Variants in MCM4 observed in about 807,000 individuals in gnomAD.
MCM4 encodes the protein minichromosome maintenance complex component 4, also known as DNA replication licensing factor MCM4.
In MCM4, 60 loss-of-function variants were observed where a neutral mutation model predicts 88.7. The observed-to-expected ratio is 0.68, with a 90% CI of 0.55 to 0.84. The LOEUF is 0.84. Among genes scored for constraint, MCM4 ranks in the 40% least tolerant of loss-of-function variants. MCM4 has a pLI of 0.00. For missense variants in MCM4, 1,149 were observed against 1,105.5 expected (o/e 1.04, Z -0.56); for synonymous variants, 465 against 410.5 (o/e 1.13, Z -1.61).
chr8:47,968,051 G>C (rs1261869133), intron 10 of MCM4, among the ~76,000 whole-genome samples: 1 of 152,206 alleles, frequency 6.6e-6, no homozygotes, highest in Non-Finnish European at 1.5e-5. Context: ...CCAGGACCCA[G>C]GTCTCCTTCT....
At position 47,972,932 on chromosome 8, in the gene MCM4, A is replaced by G. The variant is rs1004485410; in HGVS notation, c.2004A>G (p.Ala668=). Residue 668 remains alanine (A), a synonymous_variant, in exon 14 of 17, where the codon GCA becomes GCG. Coordinates refer to ENST00000649973, the MANE Select transcript of MCM4 (RefSeq NM_182746.3). ...YDRRLAHHLV[A]LYYQSEEQAE... Reference sequence around the variant, plus strand: ...GGCGTCTGGCTCACCACCTGGTCGCACTGTACTACCAGAGCGAGGAGCAGG... The same window carrying G: ...GGCGTCTGGCTCACCACCTGGTCGCGCTGTACTACCAGAGCGAGGAGCAGG... 3.0e-5 allele frequency: 48 copies of G among 1,614,088 alleles called. No homozygotes were observed. In the Admixed American group the frequency reaches 8.0e-4, roughly 27 times the overall value.
Position 47,961,004 on chromosome 8 carries a change from G to T in MCM4, c.-25G>T. On this transcript the variant is annotated 5_prime_UTR_variant, in exon 1 of 17. Transcript: ENST00000649973. ...CCGCGAGCGTCGTCGGCAAGCGGCC[G>T]CCTTTCCACGGTAACCGCGCGCCGG... 3 of 884,996 alleles carry T rather than the reference G, an allele frequency of 3.4e-6. No homozygotes were observed. The highest frequency in any genetic ancestry group is 4.8e-6 in the Non-Finnish European group (3 of 628,828). 54.8% of individuals were successfully genotyped at this position (884,996 alleles called of 1,614,324 possible).
Position 47,976,030 on chromosome 8 carries a change from C to G in MCM4, c.2499+182C>G, listed in dbSNP as rs988325558. Reference sequence around the variant, plus strand: ...TAAAATTTTTGGCTGGGTGCAGTAGCTCACGCCTGTAATCTCATTTGGGAC... The same window carrying G: ...TAAAATTTTTGGCTGGGTGCAGTAGGTCACGCCTGTAATCTCATTTGGGAC... On this transcript the variant is annotated intron_variant, in intron 16 of 16. Transcript: ENST00000649973. Among the ~76,000 whole-genome samples, 4 of 152,182 alleles carry G rather than the reference C, an allele frequency of 2.6e-5. No individual in the cohort carries two copies. The South Asian group carries it at 8.3e-4, about 32-fold the overall frequency.
chr8:47,963,710 C>A (rs1371081080), intron 7 of MCM4, among the ~76,000 whole-genome samples: 1 of 152,152 alleles, frequency 6.6e-6, no homozygotes, highest in East Asian at 1.9e-4. Flanking sequence ...GTACTGTAGA[C>A]TTTTACTTCT....
At position 47,974,860 on chromosome 8, in the gene MCM4, G is replaced by C. The variant is rs542867168; in HGVS notation, c.2263G>C (p.Ala755Pro). 1 of 1,614,242 alleles carries C rather than the reference G, an allele frequency of 6.2e-7. No homozygotes were observed. Among genetic ancestry groups the C allele is most frequent in the South Asian group, 1.1e-5 (1 of 91,076 alleles). Residue 755 changes from alanine (A) to proline (P), a missense_variant, in exon 15 of 17, where the codon GCC becomes CCC. Around this residue, in one of 3 missense-constraint regions of MCM4, gnomAD observed 238 missense variants for 241.6 expected, o/e 0.99. Coordinates refer to ENST00000649973, the MANE Select transcript of MCM4 (RefSeq NM_182746.3). ...AGTAAGATTGTCTAACAAAGTTGAA[G>C]CCATTGATGTGGAAGAGGCCAAACG... ...AKVRLSNKVE[A>P]IDVEEAKRLH...
intron 9 of MCM4, among the ~76,000 whole-genome samples, chr8:47,966,670 A>G (rs1283524871): frequency 3.3e-5 from 5 of 152,208 alleles, no homozygotes; most frequent in African/African-American, 9.6e-5. Context: ...AAATGCTTCA[A>G]ACGTTTGAGA....
In MCM4 at chr8:47,976,861, A is replaced by G; in HGVS notation, c.*83A>G. ...GTGGTCTGCATCTCAGTTGGCCGCCATCAGTGTAAATAGAGCTTAAAGTCA... is the reference window on the plus strand; with the variant it reads ...GTGGTCTGCATCTCAGTTGGCCGCCGTCAGTGTAAATAGAGCTTAAAGTCA... On this transcript the variant is annotated 3_prime_UTR_variant, in exon 17 of 17. Coordinates refer to ENST00000649973, the MANE Select transcript of MCM4 (RefSeq NM_182746.3). 1 of 866,822 alleles carries G rather than the reference A, an allele frequency of 1.2e-6. No individual in the cohort carries two copies. Among genetic ancestry groups the G allele is most frequent in the East Asian group, 2.4e-5 (1 of 40,932 alleles). The allele number at this position is 866,822 out of a possible 1,614,324, so 53.7% of individuals were successfully genotyped here.
chr8:47,975,636 T>G, intron 15 of MCM4, 79 bp from the exon 16 acceptor site: 2 of 1,127,218 alleles, frequency 1.8e-6, no homozygotes, highest in East Asian at 2.7e-5. Flanking sequence ...GTGATACTAC[T>G]AAAGGAATAT....
chr8:47,962,835 T>A lies in MCM4; in HGVS notation c.573T>A (p.Pro191=). 6.2e-7 allele frequency: 1 copy of A among 1,608,086 alleles called. No individual in the cohort carries two copies. Among genetic ancestry groups the A allele is most frequent in the South Asian group, 1.1e-5 (1 of 89,066 alleles). The part of the protein sequence containing the change: ...EENVGIDITE[P]LYMQRLGEIN... ...ATGTTGGCATAGATATTACTGAACCTCTATACATGCAACGACTTGGGGAGG... is the reference window on the plus strand; with the variant it reads ...ATGTTGGCATAGATATTACTGAACCACTATACATGCAACGACTTGGGGAGG... Residue 191 remains proline (P), a synonymous_variant, in exon 6 of 17, where the codon CCT becomes CCA. Transcript: ENST00000649973.
chr8:47,965,172 G>A (rs946518040), intron 8 of MCM4, among the ~76,000 whole-genome samples: 5 of 151,352 alleles, frequency 3.3e-5, no homozygotes, highest in Non-Finnish European at 7.4e-5. Context: ...CAGAGGCTGT[G>A]CCATTGCACT....
chr8:47,972,235 C>CAAAAAAAA (rs779237498), intron 13 of MCM4, among the ~76,000 whole-genome samples: 1 of 62,034 alleles, frequency 1.6e-5, no homozygotes. Context: ...GACTCTGTCT[C>CAAAAAAAA]AAAAAAAAAA....
In MCM4 at chr8:47,976,910, C is replaced by G; in HGVS notation, c.*132C>G. ...CATGGTTTGGCTGCATAAAAATTTT[C>G]TAACTTGGGTTCAATATTTGTAGTG... On this transcript the variant is annotated 3_prime_UTR_variant, in exon 17 of 17. Transcript: ENST00000649973. The G allele has an allele frequency of 1.7e-6, 1 of 586,654 alleles. No homozygotes were observed. Among genetic ancestry groups the G allele is most frequent in the East Asian group, 2.8e-5 (1 of 35,474 alleles). The allele number at this position is 586,654 out of a possible 1,614,324, so 36.3% of individuals were successfully genotyped here. A position where few individuals can be genotyped will look rare whatever the true frequency, so the allele number is the denominator to read the frequency against.
At position 47,961,027 on chromosome 8, in the gene MCM4, C is replaced by T; in HGVS notation, c.-15+13C>T. 3 of 1,129,432 alleles carry T rather than the reference C, an allele frequency of 2.7e-6. No individual in the cohort carries two copies. The highest frequency in any genetic ancestry group is 3.5e-6 in the Non-Finnish European group (3 of 845,300). The allele number at this position is 1,129,432 out of a possible 1,614,324, so 70.0% of individuals were successfully genotyped here. ...CCGCCTTTCCACGGTAACCGCGCGC[C>T]GGCGGGGAGGGCGTGGCGCGGAGCC... is the stretch of plus-strand genomic sequence containing the variant. On this transcript the variant is annotated intron_variant, in intron 1 of 16. Coordinates refer to ENST00000649973, the MANE Select transcript of MCM4 (RefSeq NM_182746.3).
At position 47,962,658 on chromosome 8, in the gene MCM4, T is replaced by C. The variant is rs1177837022; in HGVS notation, c.502-106T>C. Reference sequence around the variant, plus strand: ...AAAAGAAAAAGGAAGAAAAATATTATTTATTTCTGTCTCCTGATAGTGACA... The same window carrying C: ...AAAAGAAAAAGGAAGAAAAATATTACTTATTTCTGTCTCCTGATAGTGACA... On this transcript the variant is annotated intron_variant, in intron 5 of 16. Transcript: ENST00000649973. 16 of 753,754 alleles carry C rather than the reference T, an allele frequency of 2.1e-5. No homozygotes were observed. The Admixed American group carries it at 3.1e-4, about 15-fold the overall frequency. The allele number at this position is 753,754 out of a possible 1,614,324, so 46.7% of individuals were successfully genotyped here.
At chr8:47,962,004 A>C (rs1239907830) in intron 3 of MCM4, 49 bp from the exon 4 acceptor site, 3 of 1,547,902 alleles carry the variant, frequency 1.9e-6, no homozygotes, top group Non-Finnish European at 8.9e-7. Flanking sequence ...AACATGCTGT[A>C]ATTTCAGGTT....
At position 47,962,827 on chromosome 8, in the gene MCM4, A is replaced by G. The variant is rs145417336; in HGVS notation, c.565A>G (p.Thr189Ala). Residue 189 changes from threonine to alanine, a missense_variant, in exon 6 of 17, where the codon ACT becomes GCT. Transcript: ENST00000649973. ...KEEENVGIDI[T>A]EPLYMQRLGE... is the part of the protein sequence containing the mutation. ...AGAAGAAAATGTTGGCATAGATATTACTGAACCTCTATACATGCAACGACT... is the reference window on the plus strand; with the variant it reads ...AGAAGAAAATGTTGGCATAGATATTGCTGAACCTCTATACATGCAACGACT... The G allele has an allele frequency of 1.2e-6, 2 of 1,609,148 alleles. No homozygotes were observed. Among genetic ancestry groups the G allele is most frequent in the Admixed American group, 1.7e-5 (1 of 58,890 alleles).
intron 13 of MCM4, 91 bp from the exon 14 acceptor site, chr8:47,972,766 A>C: frequency 1.1e-6 from 1 of 938,182 alleles, no homozygotes; most frequent in South Asian, 1.5e-5. Context: ...CGTGTTGGCC[A>C]GGCTGGTCTC....
Position 47,964,666 on chromosome 8 carries a change from A to C in MCM4, c.786A>C (p.Pro262=). Reference sequence around the variant, plus strand: ...TAGAACATCAGATTCAAGTAAGACCATTCAACGCATTGAAGACTAAGAATA... The same window carrying C: ...TAGAACATCAGATTCAAGTAAGACCCTTCAACGCATTGAAGACTAAGAATA... ...SILEHQIQVR[P]FNALKTKNMR... is the part of the protein sequence containing the mutation. Residue 262 remains proline, a synonymous_variant, in exon 8 of 17, where the codon CCA becomes CCC. Transcript: ENST00000649973. 2 of 1,603,054 alleles carry C rather than the reference A, an allele frequency of 1.2e-6. No homozygotes were observed. The highest frequency in any genetic ancestry group is 1.7e-6 in the Non-Finnish European group (2 of 1,176,600).
chr8:47,969,042 C>G (rs902537788), intron 10 of MCM4: 1 of 152,176 alleles, frequency 6.6e-6, no homozygotes, highest in Non-Finnish European at 1.5e-5. Flanking sequence ...AAAAATACTG[C>G]TTATTAAAAA....
Sources: allele counts gnomAD v4.1 joint callset (sites outside exome capture counted in the v4.1 genomes callset), GRCh38; gene constraint gnomAD v4.1.1; regional missense constraint gnomAD v4.1.1; transcripts MANE v1.5; gene names NCBI Gene and HGNC (gene_info 2026-07-23, HGNC 2026-07-21).